Variants in PLCG2 observed in about 807,000 individuals in gnomAD.
PLCG2 encodes the protein phospholipase C gamma 2.
Under a neutral mutation model 175.6 loss-of-function variants are expected in PLCG2, and 69 were observed. The ratio of observed to expected loss-of-function variants is 0.39; its 90% CI spans 0.32 to 0.48. The LOEUF is 0.48. Ranked by LOEUF, PLCG2 falls within the 20% of genes least tolerant of loss-of-function variation. The pLI is 0.91. For missense variants in PLCG2, 1,798 were observed against 1,650.9 expected, an observed-to-expected ratio of 1.09 and a Z score of -1.54; for synonymous variants, 827 against 624.0, an observed-to-expected ratio of 1.33 and a Z score of -4.85.
intron 9 of PLCG2, among the ~76,000 whole-genome samples, chr16:81,888,874 C>T (rs1597109707): frequency 6.6e-6 from 1 of 152,296 alleles, no homozygotes; most frequent in East Asian, 1.9e-4. Flanking sequence ...TGCCCATTTG[C>T]CTACGGATCA....
intron 5 of PLCG2, among the ~76,000 whole-genome samples, chr16:81,867,724 G>C (rs544972357): frequency 6.6e-6 from 1 of 151,768 alleles, no homozygotes; most frequent in South Asian, 2.1e-4. Flanking sequence ...TGGAGATGGA[G>C]TCTTGCTCTG....
intron 2 of PLCG2, among the ~76,000 whole-genome samples, chr16:81,829,702 T>C (rs751261742): frequency 6.6e-6 from 1 of 152,104 alleles, no homozygotes; most frequent in South Asian, 2.1e-4. Context: ...TCCATCGATA[T>C]GTAGAGGTGT....
chr16:81,869,448 A>G (rs1227014970), intron 6 of PLCG2, 150 bp downstream of exon 6: 6 of 637,506 alleles, frequency 9.4e-6, no homozygotes, highest in African/African-American at 7.3e-5. Flanking sequence ...CAGAGGGATC[A>G]TGGACATATC....
At position 81,893,773 on chromosome 16, in the gene PLCG2, A is replaced by T. The variant is rs918993653; in HGVS notation, c.1051A>T (p.Met351Leu). The change falls in exon 12 of 33, where the codon ATG becomes TTG. Residue 351 changes from methionine to leucine, a missense_variant. Transcript: ENST00000564138. ...AGAAGCTTACATCCGCTGCCTGCGC[A>T]TGGGCTGTCGCTGCATTGAACGTGA... ...SPEAYIRCLR[M>L]GCRCIELDCW... The T allele has an allele frequency of 6.2e-7, 1 of 1,611,910 alleles. No homozygotes were observed. Among genetic ancestry groups the T allele is most frequent in the South Asian group, 1.1e-5 (1 of 91,024 alleles).
chr16:81,846,037 T>C (rs1287691909), intron 2 of PLCG2, among the ~76,000 whole-genome samples: 2 of 152,212 alleles, frequency 1.3e-5, no homozygotes, highest in Admixed American at 1.3e-4. Context: ...GATGAGTTAA[T>C]ACAGAGGATG....
chr16:81,801,569 G>A (rs75994869), intron 2 of PLCG2, among the ~76,000 whole-genome samples: 4 of 152,122 alleles, frequency 2.6e-5, no homozygotes, highest in Non-Finnish European at 2.9e-5. Flanking sequence ...TGATACTCCC[G>A]ATTCCAGCAA....
At chr16:81,912,804 C>T (rs772711027) in intron 19 of PLCG2, 88 bp downstream of exon 19, 32 of 1,432,130 alleles carry the variant, frequency 2.2e-5, no homozygotes, top group Non-Finnish European at 2.6e-5. Flanking sequence ...CAGGTGGAGG[C>T]TCACCTGCAG....
In PLCG2 at chr16:81,834,591, A is replaced by AGCTGCTGCTGCT. The variant is rs112113666; in HGVS notation, c.194-19842_194-19831dup. On this transcript the variant is annotated intron_variant, in intron 2 of 32. Transcript: ENST00000564138. ...TGGTTGATAGACCCTGGATCTGCAG[A>AGCTGCTGCTGCT]GCTGCTGCTGCTGCTGCTGCTGTTG... Among the ~76,000 whole-genome samples, 874 of 151,190 alleles carry AGCTGCTGCTGCT rather than the reference A, an allele frequency of 5.8e-3. 5 individuals are homozygous for AGCTGCTGCTGCT. Among genetic ancestry groups the AGCTGCTGCTGCT allele is most frequent in the African/African-American group, 0.016 (674 of 41,306 alleles).
intron 8 of PLCG2, 55 bp downstream of exon 8, chr16:81,881,008 G>A: frequency 6.4e-7 from 1 of 1,562,338 alleles, no homozygotes; most frequent in Non-Finnish European, 8.8e-7. Flanking sequence ...TCGGTGCCTG[G>A]TGCCCAGCCG....
chr16:81,840,448 T>C (rs1428556130), intron 2 of PLCG2, among the ~76,000 whole-genome samples: 1 of 152,226 alleles, frequency 6.6e-6, no homozygotes, highest in Non-Finnish European at 1.5e-5. Flanking sequence ...TACATTGTAA[T>C]ATATAATGAA....
intron 2 of PLCG2, among the ~76,000 whole-genome samples, chr16:81,810,358 A>T (rs1421418043): frequency 6.6e-6 from 1 of 152,128 alleles, no homozygotes; most frequent in Non-Finnish European, 1.5e-5. Flanking sequence ...CTCATAAGAG[A>T]CCGTTTTTCT....
intron 25 of PLCG2, among the ~76,000 whole-genome samples, chr16:81,933,295 TG>T (rs1351039327): frequency 1.3e-5 from 2 of 152,228 alleles, no homozygotes; most frequent in Admixed American, 1.3e-4. Flanking sequence ...CTACCCCTTT[TG>T]CGGAGCTGGT....
At chr16:81,755,238 C>G (rs1277533323) in intron 1 of PLCG2, among the ~76,000 whole-genome samples, 1 of 151,974 alleles carries the variant, frequency 6.6e-6, no homozygotes, top group East Asian at 1.9e-4. Context: ...ACTCTGTCAC[C>G]CAGGCTGGAG....
chr16:81,913,317 A>G (rs1324066516), intron 19 of PLCG2, among the ~76,000 whole-genome samples: 1 of 152,188 alleles, frequency 6.6e-6, no homozygotes, highest in Non-Finnish European at 1.5e-5. Flanking sequence ...AGTCTGCTAT[A>G]TGTTGAGTTC....
At chr16:81,884,942 C>T (rs560737001) in intron 9 of PLCG2, among the ~76,000 whole-genome samples, 37 of 152,190 alleles carry the variant, frequency 2.4e-4, no homozygotes, top group Admixed American at 2.0e-3. Flanking sequence ...GGCTGGAGAG[C>T]AGTGGCATGG....
In PLCG2 at chr16:81,960,930, C is replaced by G. The variant is rs190078954; in HGVS notation, c.*2932C>G. The G allele has an allele frequency of 4.4e-6, 1 of 228,946 alleles. No individual in the cohort carries two copies. Among genetic ancestry groups the G allele is most frequent in the East Asian group, 6.3e-5 (1 of 15,964 alleles). The allele number at this position is 228,946 out of a possible 1,614,324, so 14.2% of individuals were successfully genotyped here. A position where few individuals can be genotyped will look rare whatever the true frequency, so the allele number is the denominator to read the frequency against. Reference sequence around the variant, plus strand: ...AGATTCATCTGCCTGAGAAAATGCCCTTTTCTCACCTTACAAAAGAAAATA... The same window carrying G: ...AGATTCATCTGCCTGAGAAAATGCCGTTTTCTCACCTTACAAAAGAAAATA... On this transcript the variant is annotated 3_prime_UTR_variant, in exon 33 of 33. Transcript: ENST00000564138.
intron 2 of PLCG2, among the ~76,000 whole-genome samples, chr16:81,844,837 C>G (rs1372534296): frequency 6.6e-6 from 1 of 152,254 alleles, no homozygotes; most frequent in Admixed American, 6.5e-5. Flanking sequence ...TACATCTAGT[C>G]TCCTATTTAC....
intron 1 of PLCG2, among the ~76,000 whole-genome samples, chr16:81,741,647 G>T (rs28681116): frequency 0.28 from 41,918 of 151,872 alleles, 6,303 homozygotes; most frequent in East Asian, 0.63. Flanking sequence ...CTGTCTCTAC[G>T]AAAAATACAA....
chr16:81,889,232 A>G lies in PLCG2; in HGVS notation c.826A>G (p.Thr276Ala). The change falls in exon 10 of 33, where the codon ACC (threonine) becomes GCC (alanine). Residue 276 changes from threonine (T) to alanine (A), a missense_variant. Coordinates refer to ENST00000564138, the MANE Select transcript of PLCG2 (RefSeq NM_002661.5). ...GCGGATGACAAAGTTCATTGATGAC[A>G]CCATGCGTGAAACTGCTGAGCCTTT... Reference protein sequence around the residue: ...RERMTKFIDDTMRETAEPFLF... With the variant: ...RERMTKFIDDAMRETAEPFLF... 6.2e-7 allele frequency: 1 copy of G among 1,606,774 alleles called. No individual in the cohort carries two copies. Among genetic ancestry groups the G allele is most frequent in the Non-Finnish European group, 8.5e-7 (1 of 1,176,746 alleles).
Sources: allele counts gnomAD v4.1 joint callset (sites outside exome capture counted in the v4.1 genomes callset), GRCh38; gene constraint gnomAD v4.1.1; transcripts MANE v1.5; gene names NCBI Gene and HGNC (gene_info 2026-07-23, HGNC 2026-07-21).